The following PLD5 variants were observed in gnomAD, a reference collection of about 807,000 sequenced individuals.
PLD5 encodes phospholipase D family member 5.
PLD5 carries 36 observed loss-of-function variants against 61.1 expected under a neutral mutation model. The ratio of observed to expected loss-of-function variants is 0.59; its 90% CI spans 0.45 to 0.78. PLD5 has a LOEUF of 0.78. PLD5 is among the 30% of genes least tolerant of loss of function. PLD5 has a pLI of 0.00. For missense variants in PLD5, 515 were observed against 644.4 expected (o/e 0.80, Z 2.17); for synonymous variants, 243 against 242.8 (o/e 1.00, Z -0.01).
At chr1:242,480,680 T>C (rs979856619) in intron 1 of PLD5, among the ~76,000 whole-genome samples, 3 of 152,196 alleles carry the variant, frequency 2.0e-5, no homozygotes, top group Admixed American at 2.0e-4. Context: ...TTAAAATTCA[T>C]GCAAAAGATC....
At chr1:242,091,041 C>T (rs1659783298) in intron 9 of PLD5, among the ~76,000 whole-genome samples, 1 of 152,162 alleles carries the variant, frequency 6.6e-6, no homozygotes. Context: ...GCACGAGCCA[C>T]TGTGCCCGAC....
chr1:242,143,400 A>C (rs1390564794), intron 5 of PLD5, among the ~76,000 whole-genome samples: 1 of 152,132 alleles, frequency 6.6e-6, no homozygotes, highest in African/African-American at 2.4e-5. Flanking sequence ...GCTTTTGCCA[A>C]GTATTCTGTG....
At chr1:242,330,356 G>GTGACAACA (rs1203818720) in intron 2 of PLD5, among the ~76,000 whole-genome samples, 1 of 152,060 alleles carries the variant, frequency 6.6e-6, no homozygotes, top group Non-Finnish European at 1.5e-5. Context: ...CTTCCATTCT[G>GTGACAACA]TGACAACATT....
rs565230233 is a variant in PLD5, at chr1:242,266,076, C to T, written c.496-628G>A. Among the ~76,000 whole-genome samples the T allele has an allele frequency of 6.7e-4, 102 of 152,252 alleles. 2 individuals are homozygous for T. The South Asian group carries it at 0.02, about 30-fold the overall frequency. ...AAATAAGTGAAATAAAAAACAAAAT[C>T]AAAAATAAAAGTTTTTCAGCCAGGC... On this transcript the variant is annotated intron_variant, in intron 3 of 9. Transcript: ENST00000536534.
intron 1 of PLD5, among the ~76,000 whole-genome samples, chr1:242,422,428 T>G (rs1304694058): frequency 1.3e-5 from 2 of 152,174 alleles, no homozygotes; most frequent in Non-Finnish European, 2.9e-5. Flanking sequence ...AAGTGGATAA[T>G]GCATAGCCAA....
intron 4 of PLD5, among the ~76,000 whole-genome samples, chr1:242,227,037 A>T (rs1198963867): frequency 2.6e-5 from 4 of 152,216 alleles, no homozygotes; most frequent in Non-Finnish European, 2.9e-5. Context: ...CACACATTTT[A>T]AAAGGAGTAT....
intron 1 of PLD5, among the ~76,000 whole-genome samples, chr1:242,495,961 C>A (rs183013641): frequency 6.6e-6 from 1 of 152,302 alleles, no homozygotes; most frequent in African/African-American, 2.4e-5. Flanking sequence ...AACCATAACA[C>A]CCCCATTACT....
chr1:242,115,414 C>A (rs1661866858), intron 6 of PLD5, among the ~76,000 whole-genome samples: 2 of 152,092 alleles, frequency 1.3e-5, no homozygotes, highest in Non-Finnish European at 1.5e-5. Context: ...CTTTCCCCAG[C>A]CTCTAGTATC....
At chr1:242,421,605 G>C (rs57126760) in intron 1 of PLD5, among the ~76,000 whole-genome samples, 10,734 of 152,264 alleles carry the variant, frequency 0.07, 528 homozygotes, top group Admixed American at 0.14. Context: ...TAGTCATACA[G>C]TCCCTGGAAT....
intron 4 of PLD5, among the ~76,000 whole-genome samples, chr1:242,242,240 ATCTGAG>A (rs1239902103): frequency 6.6e-6 from 1 of 152,052 alleles, no homozygotes; most frequent in African/African-American, 2.4e-5. Context: ...TAGAATTGTA[ATCTGAG>A]TCTGTCTCAT....
intron 1 of PLD5, among the ~76,000 whole-genome samples, chr1:242,389,570 GGA>G (rs1558519784): frequency 9.9e-5 from 15 of 151,808 alleles, no homozygotes; most frequent in African/African-American, 3.1e-4. Context: ...TCTGAGGGGG[GGA>G]AAATCTGTTT....
chr1:242,215,965 G>A (rs1478536668), intron 5 of PLD5, among the ~76,000 whole-genome samples: 2 of 152,026 alleles, frequency 1.3e-5, no homozygotes, highest in Non-Finnish European at 2.9e-5. Context: ...CTGAAAATCT[G>A]CCCTGTTATC....
chr1:242,129,250 GAC>G (rs1201072790), intron 5 of PLD5, among the ~76,000 whole-genome samples: 1 of 152,164 alleles, frequency 6.6e-6, no homozygotes, highest in Non-Finnish European at 1.5e-5. Flanking sequence ...TGCAACCTCT[GAC>G]ATCATTCCAT....
In PLD5 at chr1:242,274,631, G is replaced by A. The variant is rs540381259; in HGVS notation, c.496-9183C>T. ...TAGCCAGGTGTGGTGGCGGGCGCCT[G>A]TAGTCCCAGCTACTCAGGAGGCTGA... On this transcript the variant is annotated intron_variant, in intron 3 of 9. Transcript: ENST00000536534. Among the ~76,000 whole-genome samples, 5 of 152,260 alleles carry A rather than the reference G, an allele frequency of 3.3e-5. No homozygotes were observed. The East Asian group carries it at 7.7e-4, about 24-fold the overall frequency.
chr1:242,436,606 A>G (rs1666008788), intron 1 of PLD5, among the ~76,000 whole-genome samples: 1 of 152,258 alleles, frequency 6.6e-6, no homozygotes, highest in South Asian at 2.1e-4. Context: ...GAAGACAATC[A>G]GCCTATACAT....
chr1:242,207,938 A>ATT (rs1436157484), intron 5 of PLD5, among the ~76,000 whole-genome samples: 13 of 74,926 alleles, frequency 1.7e-4, no homozygotes, highest in Non-Finnish European at 7.1e-5. Context: ...ATATTTATAT[A>ATT]TTTATATATA....
At chr1:242,502,772 C>A (rs1668596647) in intron 1 of PLD5, among the ~76,000 whole-genome samples, 1 of 151,912 alleles carries the variant, frequency 6.6e-6, no homozygotes, top group Non-Finnish European at 1.5e-5. Context: ...AAAACAGAGT[C>A]CTGTGGGGCC....
At chr1:242,122,569 C>A (rs1662467290) in intron 6 of PLD5, among the ~76,000 whole-genome samples, 1 of 152,106 alleles carries the variant, frequency 6.6e-6, no homozygotes, top group Admixed American at 6.5e-5. Flanking sequence ...TACTCCTTGG[C>A]CTCCTGGTCT....
intron 3 of PLD5, among the ~76,000 whole-genome samples, chr1:242,281,475 C>T (rs1217567019): frequency 6.6e-6 from 1 of 152,116 alleles, no homozygotes; most frequent in Non-Finnish European, 1.5e-5. Context: ...AAGAAGACCA[C>T]ATAATTTACT....
Sources: gnomAD v4.1 joint callset for allele counts (sites outside exome capture counted in the v4.1 genomes callset) on GRCh38, gnomAD v4.1.1 for gene constraint, MANE v1.5 for transcripts, NCBI Gene and HGNC (gene_info 2026-07-23, HGNC 2026-07-21) for gene names.